Variants in SNX5 observed in about 807,000 individuals in gnomAD.
SNX5 encodes sorting nexin 5.
In SNX5, 31 loss-of-function variants were observed where a neutral mutation model predicts 53.9. The ratio of observed to expected loss-of-function variants is 0.58; its 90% confidence interval spans 0.43 to 0.78. SNX5 has a LOEUF of 0.78. SNX5 is among the 30% of genes least tolerant of loss of function. SNX5 has a pLI of 0.00. For synonymous variants in SNX5, 168 were observed against 171.1 expected, an observed-to-expected ratio of 0.98 and a Z score of 0.14; for missense variants, 471 against 478.8, an observed-to-expected ratio of 0.98 and a Z score of 0.15.
intron 1 of SNX5, among the ~76,000 whole-genome samples, chr20:17,964,187 A>C (rs1415324109): frequency 6.6e-6 from 1 of 152,204 alleles, no homozygotes; most frequent in East Asian, 1.9e-4. Flanking sequence ...CTAACAGCAC[A>C]ATGTCCTAGC....
At chr20:17,962,913 C>T (rs373390961) in intron 1 of SNX5, 4 of 518,628 alleles carry the variant, frequency 7.7e-6, no homozygotes, top group Non-Finnish European at 1.5e-5. Flanking sequence ...GTGCAGCGCA[C>T]TCAGCGAATG....
chr20:17,947,254 A>C, intron 11 of SNX5: 1 of 483,326 alleles, frequency 2.1e-6, no homozygotes, highest in Non-Finnish European at 3.6e-6. Flanking sequence ...GGCTAAAAGA[A>C]GCATGACATA....
chr20:17,966,363 C>A (rs898712758), intron 1 of SNX5, among the ~76,000 whole-genome samples: 1 of 147,358 alleles, frequency 6.8e-6, no homozygotes, highest in Non-Finnish European at 1.5e-5. Flanking sequence ...CCAGCCTGGA[C>A]GACAGAGCGA....
chr20:17,964,733 G>T (rs183910557), intron 1 of SNX5, among the ~76,000 whole-genome samples: 4 of 152,240 alleles, frequency 2.6e-5, no homozygotes, highest in Non-Finnish European at 4.4e-5. Flanking sequence ...GACATTCAGG[G>T]TACTAACCTA....
chr20:17,952,709 C>G lies in SNX5; in HGVS notation c.391G>C (p.Glu131Gln), dbSNP rs1357902492. ...GTCTTCTTAAACACAGCGAGATACT[C>G]ACTGAAAAGAGATGTGCACATGGCA... ...FAKMKQELEA[E>Q]YLAVFKKTVS... Residue 131 changes from glutamate (E) to glutamine (Q), a missense_variant and splice_region_variant, in exon 5 of 13, where the codon GAG becomes CAG. Transcript: ENST00000377759. The G allele has an allele frequency of 3.1e-6, 5 of 1,611,748 alleles. No individual in the cohort carries two copies. The highest frequency in any genetic ancestry group is 4.2e-6 in the Non-Finnish European group (5 of 1,179,044).
intron 11 of SNX5, chr20:17,945,084 A>C (rs1387196421): frequency 6.6e-6 from 1 of 152,242 alleles, no homozygotes; most frequent in African/African-American, 2.4e-5. Context: ...GTGCAAAAGA[A>C]CTACAATACA....
chr20:17,953,998 T>C lies in SNX5; in HGVS notation c.387A>G (p.Glu129=). The C allele has an allele frequency of 4.3e-6, 7 of 1,613,390 alleles. No homozygotes were observed. The highest frequency in any genetic ancestry group is 5.9e-6 in the Non-Finnish European group (7 of 1,179,482). The change falls in exon 4 of 13, where the codon GAA becomes GAG. Residue 129 remains glutamate, a splice_region_variant and synonymous_variant. Transcript: ENST00000377759. ...EEFAKMKQEL[E]AEYLAVFKKT... is the part of the protein sequence containing the mutation. Reference sequence around the variant, plus strand: ...GCCCACCAGGAAAATCCACTTACGCTTCCAGTTCTTGTTTCATCTTGGCAA... The same window carrying C: ...GCCCACCAGGAAAATCCACTTACGCCTCCAGTTCTTGTTTCATCTTGGCAA...
intron 1 of SNX5, among the ~76,000 whole-genome samples, chr20:17,960,817 C>G (rs985284945): frequency 2.0e-5 from 3 of 151,794 alleles, no homozygotes; most frequent in African/African-American, 7.3e-5. Context: ...CCCAACAACC[C>G]AGCCTGAGCA....
At chr20:17,967,205 A>C (rs1045280458) in intron 1 of SNX5, among the ~76,000 whole-genome samples, 1 of 152,118 alleles carries the variant, frequency 6.6e-6, no homozygotes, top group Non-Finnish European at 1.5e-5. Context: ...AAAAGAATGT[A>C]CCAGAAAGAA....
Position 17,968,479 on chromosome 20 carries a change from T to C in SNX5, c.-54A>G. 8.2e-7 allele frequency: 1 copy of C among 1,219,782 alleles called. No homozygotes were observed. Among genetic ancestry groups the C allele is most frequent in the Non-Finnish European group, 1.0e-6 (1 of 974,462 alleles). The allele number at this position is 1,219,782 out of a possible 1,614,324, so 75.6% of individuals were successfully genotyped here. The stretch of plus-strand genomic sequence containing the variant: ...CTGGCTGTGCGAGGAAAGAAGAAGC[T>C]GGGCCGCCGCCGCCGCCGCCTGGGC... On this transcript the variant is annotated 5_prime_UTR_variant, in exon 1 of 13. Transcript: ENST00000377759.
chr20:17,951,624 T>TA, intron 5 of SNX5, 29 bp from the exon 6 acceptor site: 2 of 1,450,206 alleles, frequency 1.4e-6, no homozygotes, highest in Non-Finnish European at 1.9e-6. Context: ...AAAGAGTTTA[T>TA]ATGGTATGGA....
At position 17,950,409 on chromosome 20, in the gene SNX5, A is replaced by G. The variant is rs1452412236; in HGVS notation, c.610-13T>C. Reference sequence around the variant, plus strand: ...AGTCATCTACCTCCTAGAAGGAAGAAAAAAAGAACCAGACATTTCATGAAA... The same window carrying G: ...AGTCATCTACCTCCTAGAAGGAAGAGAAAAAGAACCAGACATTTCATGAAA... On this transcript the variant is annotated splice_polypyrimidine_tract_variant and intron_variant, in intron 6 of 12. Coordinates refer to ENST00000377759, the MANE Select transcript of SNX5 (RefSeq NM_014426.4). 4 of 1,459,168 alleles carry G rather than the reference A, an allele frequency of 2.7e-6. No individual in the cohort carries two copies. The South Asian group carries it at 3.5e-5, about 13-fold the overall frequency. The allele number at this position is 1,459,168 out of a possible 1,614,324, so 90.4% of individuals were successfully genotyped here.
chr20:17,953,109 T>C (rs1475149869), intron 4 of SNX5, among the ~76,000 whole-genome samples: 3 of 152,230 alleles, frequency 2.0e-5, no homozygotes, highest in Middle Eastern at 6.3e-3. Flanking sequence ...TATCTCAACC[T>C]AGACATTAAA....
chr20:17,952,833 A>G (rs1052915395), intron 4 of SNX5, 123 bp from the exon 5 acceptor site: 1 of 1,124,428 alleles, frequency 8.9e-7, no homozygotes, highest in African/African-American at 1.6e-5. Flanking sequence ...TGGACCAAAC[A>G]GTATTTCAGT....
intron 1 of SNX5, chr20:17,961,814 C>T (rs951529473): frequency 3.0e-6 from 3 of 985,308 alleles, no homozygotes; most frequent in African/African-American, 1.7e-5. Context: ...TATGACAAAT[C>T]ATCGATGATT....
At chr20:17,944,969 C>G (rs151178219) in intron 11 of SNX5, 5 of 152,368 alleles carry the variant, frequency 3.3e-5, no homozygotes, top group African/African-American at 1.2e-4. Context: ...ACATCAAGTT[C>G]TGTCTTGCAG....
chr20:17,967,796 A>T (rs2035576714), intron 1 of SNX5: 1 of 344,422 alleles, frequency 2.9e-6, no homozygotes, highest in African/African-American at 2.1e-5. Context: ...GCAAGACTTA[A>T]AAATAGACAC....
intron 1 of SNX5, chr20:17,961,040 T>G (rs2035439868): frequency 1.5e-6 from 1 of 674,562 alleles, no homozygotes. Context: ...GAAAGCACAT[T>G]TTCAACTGTT....
chr20:17,967,349 A>AAC lies in SNX5; in HGVS notation c.51+1025_51+1026insGT, dbSNP rs201366234. Among the ~76,000 whole-genome samples the AAC allele has an allele frequency of 4.5e-3, 680 of 152,094 alleles. 4 individuals carry two copies. Among genetic ancestry groups the AAC allele is most frequent in the African/African-American group, 0.016 (660 of 41,500 alleles). On this transcript the variant is annotated intron_variant, in intron 1 of 12. Coordinates refer to ENST00000377759, the MANE Select transcript of SNX5 (RefSeq NM_014426.4). Reference sequence around the variant, plus strand: ...TTTAGTAATAAAGAACTTTCAAAAAAAAAACCACTCTAAACAACACCCTCC... The same window carrying AAC: ...TTTAGTAATAAAGAACTTTCAAAAAAACAAAACCACTCTAAACAACACCCTCC...
Sources: gnomAD v4.1 joint callset for allele counts (sites outside exome capture counted in the v4.1 genomes callset) on GRCh38, gnomAD v4.1.1 for gene constraint, MANE v1.5 for transcripts, NCBI Gene and HGNC (gene_info 2026-07-23, HGNC 2026-07-21) for gene names.